Variants in RAB21 observed in about 807,000 individuals in gnomAD.
The protein encoded by RAB21 is ras-related protein Rab-21.
In RAB21, 13 loss-of-function variants were observed where a neutral mutation model predicts 33.1. That is an observed-to-expected ratio of 0.39 (90% CI 0.26 to 0.62). The LOEUF (loss-of-function observed/expected upper bound fraction) is 0.62. Among genes scored for constraint, RAB21 ranks in the 20% least tolerant of loss-of-function variants. RAB21 has a pLI of 0.48. For missense variants in RAB21, 234 were observed against 279.1 expected (o/e 0.84, Z 1.15); for synonymous variants, 91 against 103.7 (o/e 0.88, Z 0.74).
At chr12:71,780,695 A>G (rs1883184892) in intron 4 of RAB21, among the ~76,000 whole-genome samples, 1 of 152,178 alleles carries the variant, frequency 6.6e-6, no homozygotes, top group South Asian at 2.1e-4. Context: ...AGGTTCTCAG[A>G]TTATTCGAGG....
chr12:71,791,903 C>T lies in RAB21; in HGVS notation c.*6230C>T, dbSNP rs994372608. The T allele has an allele frequency of 3.3e-5, 5 of 152,086 alleles. No homozygotes were observed. The highest frequency in any genetic ancestry group is 1.2e-4 in the African/African-American group (5 of 41,402). 9.4% of individuals were successfully genotyped at this position (152,086 alleles called of 1,614,324 possible). A position where few individuals can be genotyped will look rare whatever the true frequency, so the allele number is the denominator to read the frequency against. On this transcript the variant is annotated 3_prime_UTR_variant, in exon 7 of 7. Transcript: ENST00000261263. ...TTTTTGAGACAGGGTCTTGCTTTGC[C>T]GCACAGACTAGAATGCAGTAGCATG...
At position 71,772,458 on chromosome 12, in the gene RAB21, A is replaced by AT. The variant is rs368270759; in HGVS notation, c.328-1500dup. Among the ~76,000 whole-genome samples, 639 of 152,324 alleles carry AT rather than the reference A, an allele frequency of 4.2e-3. 6 individuals carry two copies. The highest frequency in any genetic ancestry group is 0.015 in the African/African-American group (605 of 41,572). ...GTGGGGAATTTGACTCTACCACTTA[A>AT]TGGGAAGATTAGCAAAGAATTTGTG... On this transcript the variant is annotated intron_variant, in intron 3 of 6. Transcript: ENST00000261263.
intron 4 of RAB21, among the ~76,000 whole-genome samples, chr12:71,774,888 A>G (rs183703666): frequency 1.3e-5 from 2 of 152,284 alleles, no homozygotes; most frequent in African/African-American, 4.8e-5. Context: ...CCTTGCTTCA[A>G]TTTGACCTTT....
chr12:71,781,134 T>G (rs535125298), intron 4 of RAB21, among the ~76,000 whole-genome samples: 66 of 152,342 alleles, frequency 4.3e-4, no homozygotes, highest in African/African-American at 1.5e-3. Context: ...ATACATATAT[T>G]AAGTTTTAAT....
At chr12:71,762,972 T>C (rs1292840160) in intron 1 of RAB21, among the ~76,000 whole-genome samples, 3 of 152,158 alleles carry the variant, frequency 2.0e-5, no homozygotes, top group African/African-American at 4.8e-5. Flanking sequence ...ATCTCTTAAG[T>C]ATGGAAGTGG....
At chr12:71,766,802 T>C (rs1242101942) in intron 1 of RAB21, among the ~76,000 whole-genome samples, 1 of 152,084 alleles carries the variant, frequency 6.6e-6, no homozygotes, top group East Asian at 1.9e-4. Flanking sequence ...AGTGGAATTT[T>C]ATGGACAGAA....
intron 1 of RAB21, among the ~76,000 whole-genome samples, chr12:71,766,467 G>A (rs1030214904): frequency 6.6e-6 from 1 of 151,950 alleles, no homozygotes; most frequent in Non-Finnish European, 1.5e-5. Flanking sequence ...TGACTCACAG[G>A]GTGTTATTGG....
At chr12:71,772,066 A>C (rs976064171) in intron 3 of RAB21, among the ~76,000 whole-genome samples, 7 of 152,042 alleles carry the variant, frequency 4.6e-5, no homozygotes, top group Non-Finnish European at 8.8e-5. Flanking sequence ...GACTTAAAAC[A>C]ATAATTTATT....
At chr12:71,771,739 C>T (rs1263594620) in intron 3 of RAB21, among the ~76,000 whole-genome samples, 1 of 151,992 alleles carries the variant, frequency 6.6e-6, no homozygotes, top group East Asian at 1.9e-4. Context: ...TTTGGGAGGT[C>T]GAGGACAGCG....
At chr12:71,777,096 A>G (rs1883131810) in intron 4 of RAB21, among the ~76,000 whole-genome samples, 1 of 152,172 alleles carries the variant, frequency 6.6e-6, no homozygotes, top group African/African-American at 2.4e-5. Context: ...TATGTACAGA[A>G]AAGTGTACAA....
At chr12:71,755,802 C>A (rs1032145886) in intron 1 of RAB21, among the ~76,000 whole-genome samples, 1 of 152,176 alleles carries the variant, frequency 6.6e-6, no homozygotes, top group Admixed American at 6.5e-5. Context: ...GAAATGACCG[C>A]TTGCCTAGGC....
intron 1 of RAB21, among the ~76,000 whole-genome samples, chr12:71,759,606 A>G (rs1335941621): frequency 1.3e-5 from 2 of 152,232 alleles, no homozygotes; most frequent in Admixed American, 6.5e-5. Flanking sequence ...GCTATGGGCT[A>G]CTACCTAGTG....
chr12:71,782,809 A>T (rs1266400743), intron 6 of RAB21, 151 bp downstream of exon 6: 8 of 533,502 alleles, frequency 1.5e-5, no homozygotes, highest in South Asian at 9.7e-5. Flanking sequence ...TGCTGTAACT[A>T]TTTTTTTTAA....
Position 71,794,208 on chromosome 12 carries a change from T to C in RAB21, c.*8535T>C, listed in dbSNP as rs1192957437. ...CTGCACTCCAGCCTGGACGACAGAG[T>C]GAGGCCCTGTCTCAAAAAAAGAAAA... On this transcript the variant is annotated 3_prime_UTR_variant, in exon 7 of 7. Coordinates refer to ENST00000261263, the MANE Select transcript of RAB21 (RefSeq NM_014999.4). 6.7e-6 allele frequency: 1 copy of C among 148,572 alleles called. No homozygotes were observed. The highest frequency in any genetic ancestry group is 6.7e-5 in the Admixed American group (1 of 14,864). 9.2% of individuals were successfully genotyped at this position (148,572 alleles called of 1,614,324 possible).
rs1346600321 is a variant in RAB21 at position 71,755,108 on chromosome 12, C to T, written c.-22C>T. ...GGGAGGGCGGCGCGACACTCGGGCT[C>T]GGGCGGCCGGGAAGCGACGGGATGG... On this transcript the variant is annotated 5_prime_UTR_variant, in exon 1 of 7. Transcript: ENST00000261263. 7.9e-6 allele frequency: 9 copies of T among 1,137,252 alleles called. No homozygotes were observed. The highest frequency in any genetic ancestry group is 9.7e-6 in the Non-Finnish European group (9 of 931,068). The allele number at this position is 1,137,252 out of a possible 1,614,324, so 70.4% of individuals were successfully genotyped here.
chr12:71,783,996 A>G (rs1166385542), intron 6 of RAB21, among the ~76,000 whole-genome samples: 1 of 152,228 alleles, frequency 6.6e-6, no homozygotes, highest in Non-Finnish European at 1.5e-5. Flanking sequence ...TATAACATGT[A>G]CAAGTACTAA....
At chr12:71,777,229 C>T (rs1213231490) in intron 4 of RAB21, among the ~76,000 whole-genome samples, 1 of 152,098 alleles carries the variant, frequency 6.6e-6, no homozygotes, top group East Asian at 1.9e-4. Context: ...CCATTCCCCA[C>T]CCCCGTCACT....
chr12:71,784,161 G>C (rs188448490), intron 6 of RAB21, among the ~76,000 whole-genome samples: 2 of 152,084 alleles, frequency 1.3e-5, no homozygotes, highest in African/African-American at 4.8e-5. Flanking sequence ...TCTAATTTAA[G>C]AGCCCTTTTG....
intron 4 of RAB21, among the ~76,000 whole-genome samples, chr12:71,780,556 TAGCTGTTCAAAGA>T (rs1883183330): frequency 6.6e-6 from 1 of 152,244 alleles, no homozygotes; most frequent in African/African-American, 2.4e-5. Flanking sequence ...CTGTGGTAGA[TAGCTGTTCAAAGA>T]AGGAAGAGTT....
Sources: gnomAD v4.1 joint callset for allele counts (sites outside exome capture counted in the v4.1 genomes callset) on GRCh38, gnomAD v4.1.1 for gene constraint, MANE v1.5 for transcripts, NCBI Gene and HGNC (gene_info 2026-07-23, HGNC 2026-07-21) for gene names.